Variants in GBE1 observed in about 807,000 individuals in gnomAD.
GBE1 encodes the protein 1,4-alpha-glucan branching enzyme 1, also known as 1,4-alpha-glucan-branching enzyme.
A neutral mutation model predicts 88.8 loss-of-function variants in GBE1; 70 were observed. The ratio of observed to expected loss-of-function variants is 0.79; its 90% CI spans 0.65 to 0.96. GBE1 has a LOEUF of 0.96. Among genes scored for constraint, GBE1 ranks in the 40% least tolerant of loss-of-function variants. The pLI, the probability that GBE1 is intolerant of heterozygous loss-of-function variation, is 0.00. For missense variants in GBE1, 872 were observed against 871.0 expected (o/e 1.00, Z -0.01); for synonymous variants, 284 against 300.1 (o/e 0.95, Z 0.56).
intron 7 of GBE1, among the ~76,000 whole-genome samples, chr3:81,641,598 G>A (rs1704679626): frequency 1.3e-5 from 2 of 152,046 alleles, no homozygotes; most frequent in South Asian, 4.1e-4. Flanking sequence ...GTACCAGAGT[G>A]AGTCTAGGCC....
rs543784930 is a variant in GBE1, at chr3:81,620,245, C to T, written c.992+22536G>A. Among the ~76,000 whole-genome samples the T allele has an allele frequency of 1.0e-3, 156 of 150,590 alleles. 1 individual carries two copies. Among genetic ancestry groups the T allele is most frequent in the Non-Finnish European group, 1.8e-3 (123 of 67,780 alleles). On this transcript the variant is annotated intron_variant, in intron 7 of 15. Transcript: ENST00000429644. ...TCATCTAGGCTAGAGTGCAGTGGCACGATCTCTGCCCACTGCACCCTCCAC... is the reference window on the plus strand; with the variant it reads ...TCATCTAGGCTAGAGTGCAGTGGCATGATCTCTGCCCACTGCACCCTCCAC...
intron 2 of GBE1, among the ~76,000 whole-genome samples, chr3:81,684,058 C>T (rs537976949): frequency 1.4e-4 from 21 of 152,204 alleles, no homozygotes; most frequent in Non-Finnish European, 2.2e-4. Context: ...GCTTGACATT[C>T]GACATCTAAT....
intron 1 of GBE1, among the ~76,000 whole-genome samples, chr3:81,724,428 G>A (rs538093291): frequency 6.3e-4 from 96 of 152,102 alleles, no homozygotes; most frequent in African/African-American, 2.2e-3. Context: ...ACCAACATGT[G>A]TATTAAAATT....
chr3:81,653,052 G>A (rs1262691751), intron 3 of GBE1, among the ~76,000 whole-genome samples: 1 of 152,188 alleles, frequency 6.6e-6, no homozygotes, highest in South Asian at 2.1e-4. Context: ...GGTAGCTAAT[G>A]TTTAAAAGAG....
intron 14 of GBE1, among the ~76,000 whole-genome samples, chr3:81,520,700 AC>A (rs919487920): frequency 6.6e-6 from 1 of 151,598 alleles, no homozygotes; most frequent in African/African-American, 2.4e-5. Flanking sequence ...GAAATATGAA[AC>A]CTGCCTATTT....
chr3:81,638,414 T>C (rs1265673888), intron 7 of GBE1, among the ~76,000 whole-genome samples: 1 of 152,156 alleles, frequency 6.6e-6, no homozygotes, highest in Non-Finnish European at 1.5e-5. Context: ...GATTTAGTAA[T>C]GGTTATGGCA....
chr3:81,714,786 G>C (rs1559696863), intron 1 of GBE1, among the ~76,000 whole-genome samples: 1 of 152,182 alleles, frequency 6.6e-6, no homozygotes, highest in Admixed American at 6.5e-5. Flanking sequence ...GTCCAAGACT[G>C]AGAACCAGCA....
rs17856389 is a variant in GBE1, at chr3:81,642,980, T to A, written c.793A>T (p.Thr265Ser). The change falls in exon 7 of 16, where the codon ACA (threonine) becomes TCA (serine). Residue 265 changes from threonine to serine, a missense_variant. Transcript: ENST00000429644. ...SFFAASSRYG[T>S]PEELQELVDT... ...ACCAGTTCTTGTAGCTCTTCAGGTG[T>A]TCCATAACGGCTAACAATGAAGAAC... The A allele has an allele frequency of 4.4e-6, 7 of 1,607,210 alleles. No homozygotes were observed. The highest frequency in any genetic ancestry group is 6.0e-6 in the Non-Finnish European group (7 of 1,175,758).
intron 12 of GBE1, among the ~76,000 whole-genome samples, chr3:81,551,238 T>C (rs1252683965): frequency 1.3e-5 from 2 of 152,210 alleles, no homozygotes; most frequent in African/African-American, 4.8e-5. Context: ...TTAATATACA[T>C]CAGCATCATC....
At chr3:81,505,344 GTC>G (rs1163914696) in intron 14 of GBE1, among the ~76,000 whole-genome samples, 1 of 152,184 alleles carries the variant, frequency 6.6e-6, no homozygotes, top group Non-Finnish European at 1.5e-5. Flanking sequence ...GTAAACAAAT[GTC>G]TGGTAGGGTA....
At chr3:81,529,978 T>A (rs375735908) in intron 14 of GBE1, among the ~76,000 whole-genome samples, 5 of 151,966 alleles carry the variant, frequency 3.3e-5, no homozygotes, top group African/African-American at 7.2e-5. Context: ...TTTGCTTTTT[T>A]GAGGCTATTT....
chr3:81,740,702 T>C (rs1041101115), intron 1 of GBE1, among the ~76,000 whole-genome samples: 3 of 151,922 alleles, frequency 2.0e-5, no homozygotes, highest in Admixed American at 2.0e-4. Flanking sequence ...GGATCACCTG[T>C]TTAGTGGCTG....
intron 15 of GBE1, among the ~76,000 whole-genome samples, chr3:81,492,006 G>A (rs951248094): frequency 6.6e-6 from 1 of 152,216 alleles, no homozygotes; most frequent in Non-Finnish European, 1.5e-5. Flanking sequence ...TTAATGGCTA[G>A]AGAATAGTTT....
rs199515105 is a variant in GBE1, at chr3:81,750,577, GTATA to G, written c.143+10794_143+10797del. ...TATATATATATGTATATATATATAC[GTATA>G]TATATACGTATATATATATGTGTAT... On this transcript the variant is annotated intron_variant, in intron 1 of 15. Transcript: ENST00000429644. Among the ~76,000 whole-genome samples, 23 of 35,222 alleles carry G rather than the reference GTATA, an allele frequency of 6.5e-4. No individual in the cohort carries two copies. In the South Asian group the frequency reaches 0.01, roughly 16 times the overall value. The allele number at this position is 35,222 out of a possible 152,430, so 23.1% of individuals were successfully genotyped here.
intron 7 of GBE1, chr3:81,612,939 G>A: frequency 2.7e-6 from 1 of 367,878 alleles, no homozygotes; most frequent in South Asian, 2.5e-5. Flanking sequence ...AGGAGAAAAA[G>A]ATGATGATGA....
intron 14 of GBE1, among the ~76,000 whole-genome samples, chr3:81,502,179 C>T (rs944519794): frequency 1.3e-5 from 2 of 152,014 alleles, no homozygotes; most frequent in African/African-American, 2.4e-5. Context: ...CCAAAAAATG[C>T]AATTTTAAAG....
intron 2 of GBE1, among the ~76,000 whole-genome samples, chr3:81,689,052 T>C (rs1705482115): frequency 6.6e-6 from 1 of 152,208 alleles, no homozygotes; most frequent in South Asian, 2.1e-4. Flanking sequence ...ATGTGATTTC[T>C]ACATTTATAA....
rs1271362063 is a variant in GBE1, at chr3:81,647,697, T to C, written c.691+1159A>G. Among the ~76,000 whole-genome samples, 6 of 152,174 alleles carry C rather than the reference T, an allele frequency of 3.9e-5. 1 individual carries two copies. Among genetic ancestry groups the C allele is most frequent in the South Asian group, 4.1e-4 (2 of 4,826 alleles). Reference sequence around the variant, plus strand: ...AGCTTTATAATTTTCTTAAGGTTTATATAAGCTCATTGTTAATGGCAGTTC... The same window carrying C: ...AGCTTTATAATTTTCTTAAGGTTTACATAAGCTCATTGTTAATGGCAGTTC... On this transcript the variant is annotated intron_variant, in intron 5 of 15. Transcript: ENST00000429644.
intron 1 of GBE1, among the ~76,000 whole-genome samples, chr3:81,758,274 A>T (rs1279447581): frequency 6.6e-6 from 1 of 152,224 alleles, no homozygotes; most frequent in Non-Finnish European, 1.5e-5. Context: ...TATAAACATT[A>T]AACAGAGGGT....
Sources: gnomAD v4.1 joint callset for allele counts (sites outside exome capture counted in the v4.1 genomes callset) on GRCh38, gnomAD v4.1.1 for gene constraint, MANE v1.5 for transcripts, NCBI Gene and HGNC (gene_info 2026-07-23, HGNC 2026-07-21) for gene names.